Variants in TMEM232 observed in about 807,000 individuals in gnomAD.
The protein encoded by TMEM232 is transmembrane protein 232.
In TMEM232, 80 loss-of-function variants were observed where a neutral mutation model predicts 78.8. The ratio of observed to expected loss-of-function variants is 1.01; its 90% CI spans 0.85 to 1.22. The LOEUF (loss-of-function observed/expected upper bound fraction) is 1.22. Ranked by LOEUF, TMEM232 falls within the 50% of genes most tolerant of loss-of-function variation. TMEM232 has a pLI of 0.00. For synonymous variants in TMEM232, 297 were observed against 254.3 expected (o/e 1.17, Z -1.60); for missense variants, 881 against 742.2 (o/e 1.19, Z -2.17).
chr5:110,696,142 G>T (rs1482087729), intron 1 of TMEM232, among the ~76,000 whole-genome samples: 4 of 152,148 alleles, frequency 2.6e-5, no homozygotes, highest in East Asian at 1.9e-4. Flanking sequence ...TGCAAGGCTG[G>T]TTCACCATAC....
chr5:110,473,376 T>A (rs1209388313), intron 12 of TMEM232, among the ~76,000 whole-genome samples: 2 of 151,682 alleles, frequency 1.3e-5, no homozygotes, highest in Admixed American at 1.3e-4. Flanking sequence ...AAAACCACAG[T>A]GAGATATCAC....
intron 12 of TMEM232, among the ~76,000 whole-genome samples, chr5:110,464,509 A>G (rs552229486): frequency 6.6e-6 from 1 of 152,288 alleles, no homozygotes; most frequent in South Asian, 2.1e-4. Flanking sequence ...AATTGGAAGA[A>G]TGCCATAAAT....
chr5:110,690,279 C>T (rs1373834040), intron 1 of TMEM232, among the ~76,000 whole-genome samples: 2 of 152,088 alleles, frequency 1.3e-5, no homozygotes, highest in African/African-American at 4.8e-5. Flanking sequence ...TGAATTTAAA[C>T]AAATTTACAA....
intron 10 of TMEM232, among the ~76,000 whole-genome samples, chr5:110,595,224 T>C (rs1260635526): frequency 1.3e-5 from 2 of 151,890 alleles, no homozygotes; most frequent in Non-Finnish European, 2.9e-5. Flanking sequence ...AGCAATAACA[T>C]CAATATCAAC....
intron 5 of TMEM232, among the ~76,000 whole-genome samples, chr5:110,637,590 A>AT (rs552075353): frequency 1.3e-4 from 19 of 151,836 alleles, no homozygotes; most frequent in Admixed American, 9.8e-4. Flanking sequence ...TATATATATA[A>AT]AAAACCATCT....
At chr5:110,687,925 T>A (rs1247075273) in intron 1 of TMEM232, among the ~76,000 whole-genome samples, 2 of 152,120 alleles carry the variant, frequency 1.3e-5, no homozygotes, top group Non-Finnish European at 2.9e-5. Context: ...TGTAACACAA[T>A]GTCCCTTTTG....
intron 11 of TMEM232, among the ~76,000 whole-genome samples, chr5:110,566,672 A>G (rs1202954404): frequency 6.6e-6 from 1 of 151,896 alleles, no homozygotes; most frequent in Non-Finnish European, 1.5e-5. Context: ...ATTTTGGTGA[A>G]AGCCATTCAA....
At chr5:110,569,921 G>A (rs1776752590) in intron 10 of TMEM232, among the ~76,000 whole-genome samples, 1 of 151,904 alleles carries the variant, frequency 6.6e-6, no homozygotes, top group Non-Finnish European at 1.5e-5. Flanking sequence ...GTCTAATCCT[G>A]TCCCATGCAG....
intron 8 of TMEM232, among the ~76,000 whole-genome samples, chr5:110,606,683 C>G (rs1309503267): frequency 6.6e-6 from 1 of 150,762 alleles, no homozygotes; most frequent in African/African-American, 2.4e-5. Context: ...CTTCTCAAAA[C>G]ACAGCAATTT....
At chr5:110,444,865 T>C (rs144390004) in intron 12 of TMEM232, among the ~76,000 whole-genome samples, 26 of 152,272 alleles carry the variant, frequency 1.7e-4, no homozygotes, top group African/African-American at 5.8e-4. Context: ...CTAATGTAGA[T>C]GTCTGGACTA....
intron 2 of TMEM232, among the ~76,000 whole-genome samples, chr5:110,645,296 C>A (rs1039135698): frequency 2.0e-5 from 3 of 151,506 alleles, no homozygotes; most frequent in Admixed American, 6.6e-5. Context: ...AGGCCAAAGT[C>A]CCTAGTGAAC....
intron 5 of TMEM232, among the ~76,000 whole-genome samples, chr5:110,631,939 T>A (rs1341767211): frequency 6.6e-6 from 1 of 150,948 alleles, no homozygotes. Flanking sequence ...GGCGCAAGAA[T>A]TGGCCCGCCT....
At chr5:110,625,828 G>A (rs1784356005) in intron 6 of TMEM232, among the ~76,000 whole-genome samples, 1 of 151,642 alleles carries the variant, frequency 6.6e-6, no homozygotes. Context: ...ACATTCTCCA[G>A]TTTTATTCCT....
intron 12 of TMEM232, among the ~76,000 whole-genome samples, chr5:110,425,520 G>T (rs1156250510): frequency 6.6e-6 from 1 of 152,048 alleles, no homozygotes; most frequent in Admixed American, 6.6e-5. Context: ...AAAAGAGGCA[G>T]CCAGTGAGAA....
intron 12 of TMEM232, among the ~76,000 whole-genome samples, chr5:110,486,030 G>A (rs1764426632): frequency 6.6e-6 from 1 of 151,958 alleles, no homozygotes; most frequent in Non-Finnish European, 1.5e-5. Flanking sequence ...GAGTAAGGTG[G>A]TATCACTTTG....
intron 1 of TMEM232, among the ~76,000 whole-genome samples, chr5:110,705,929 G>T (rs951267425): frequency 5.9e-5 from 9 of 151,788 alleles, no homozygotes; most frequent in African/African-American, 1.9e-4. Context: ...TATAGGAAAA[G>T]GATGCTTCTG....
intron 10 of TMEM232, among the ~76,000 whole-genome samples, chr5:110,591,855 G>C (rs1779580921): frequency 6.6e-6 from 1 of 151,944 alleles, no homozygotes; most frequent in African/African-American, 2.4e-5. Context: ...TAAAGCAGAA[G>C]CTCCAGATTA....
chr5:110,622,751 C>T (rs1016832870), intron 7 of TMEM232, among the ~76,000 whole-genome samples: 3 of 151,194 alleles, frequency 2.0e-5, no homozygotes, highest in Non-Finnish European at 2.9e-5. Context: ...GTTCTAGATC[C>T]CTGAGGAATT....
chr5:110,621,003 C>T (rs1392848893), intron 7 of TMEM232, among the ~76,000 whole-genome samples: 4 of 151,010 alleles, frequency 2.6e-5, no homozygotes, highest in Non-Finnish European at 4.4e-5. Context: ...GCTGGGATTA[C>T]AGGTGCCTGC....
Sources: allele counts gnomAD v4.1 joint callset (sites outside exome capture counted in the v4.1 genomes callset), GRCh38; gene constraint gnomAD v4.1.1; transcripts MANE v1.5; gene names NCBI Gene and HGNC (gene_info 2026-07-23, HGNC 2026-07-21).